The following DLGAP2 variants were observed in gnomAD, a reference collection of about 807,000 sequenced individuals.
DLGAP2 encodes the protein disks large-associated protein 2.
Under a neutral mutation model 100.3 loss-of-function variants are expected in DLGAP2, and 26 were observed. The observed-to-expected ratio is 0.26, with a 90% CI of 0.19 to 0.36. The LOEUF (loss-of-function observed/expected upper bound fraction) is 0.36, where lower values mean the gene tolerates loss of function less well. Among genes scored for constraint, DLGAP2 ranks in the 10% least tolerant of loss-of-function variants. The probability of loss-of-function intolerance (pLI) is 1.00; values close to 1 mark genes in which losing one functional copy is unlikely to be tolerated. For missense variants in DLGAP2, 1,858 were observed against 1,453.2 expected, an observed-to-expected ratio of 1.28 and a Z score of -4.53; for synonymous variants, 886 against 630.1, an observed-to-expected ratio of 1.41 and a Z score of -6.08.
intron 3 of DLGAP2, among the ~76,000 whole-genome samples, chr8:1,335,979 C>T (rs537298316): frequency 1.3e-5 from 2 of 152,134 alleles, no homozygotes; most frequent in Non-Finnish European, 2.9e-5. Flanking sequence ...GGGCTTTGTG[C>T]TTTTTCCGGT....
chr8:1,026,019 C>T (rs1801788276), intron 2 of DLGAP2, among the ~76,000 whole-genome samples: 1 of 152,238 alleles, frequency 6.6e-6, no homozygotes, highest in South Asian at 2.1e-4. Context: ...GGATTCCCGG[C>T]AGAAGGCTCC....
chr8:1,211,245 A>T (rs1448578244), intron 2 of DLGAP2, among the ~76,000 whole-genome samples: 1 of 152,150 alleles, frequency 6.6e-6, no homozygotes, highest in Non-Finnish European at 1.5e-5. Context: ...AGTAAAATCC[A>T]CCTTCCTTGA....
intron 3 of DLGAP2, among the ~76,000 whole-genome samples, chr8:1,330,407 G>A (rs749575226): frequency 3.3e-5 from 5 of 149,856 alleles, no homozygotes; most frequent in Non-Finnish European, 7.4e-5. Context: ...ACTAGTTCTG[G>A]GTGGGAGCAC....
chr8:1,560,214 A>G (rs1563221178), intron 5 of DLGAP2, among the ~76,000 whole-genome samples: 1 of 152,256 alleles, frequency 6.6e-6, no homozygotes, highest in East Asian at 1.9e-4. Flanking sequence ...GCTTCTGCAC[A>G]TAACACAGTT....
At chr8:1,040,545 T>A (rs1189819134) in intron 2 of DLGAP2, among the ~76,000 whole-genome samples, 2 of 146,738 alleles carry the variant, frequency 1.4e-5, no homozygotes, top group Non-Finnish European at 3.0e-5. Flanking sequence ...TCGGTGTGCG[T>A]GGTCGGCTCG....
intron 2 of DLGAP2, among the ~76,000 whole-genome samples, chr8:1,175,208 G>A (rs182279000): frequency 2.8e-4 from 43 of 151,904 alleles, no homozygotes; most frequent in South Asian, 1.0e-3. Flanking sequence ...CTAGTAACCC[G>A]CAGTGAGCAC....
At chr8:1,467,969 C>T (rs1281154414) in intron 3 of DLGAP2, among the ~76,000 whole-genome samples, 1 of 152,216 alleles carries the variant, frequency 6.6e-6, no homozygotes, top group South Asian at 2.1e-4. Context: ...AAAAGTGTTA[C>T]CCAGCTGGAA....
intron 2 of DLGAP2, among the ~76,000 whole-genome samples, chr8:1,227,596 C>T (rs1293660712): frequency 6.6e-6 from 1 of 151,868 alleles, no homozygotes; most frequent in Non-Finnish European, 1.5e-5. Context: ...CAGGTTCAAG[C>T]AATTCTCAAG....
intron 1 of DLGAP2, among the ~76,000 whole-genome samples, chr8:791,484 C>T (rs1822024907): frequency 6.6e-6 from 1 of 152,206 alleles, no homozygotes; most frequent in African/African-American, 2.4e-5. Flanking sequence ...CTATCCTCCC[C>T]ACTTGTAACT....
At chr8:999,157 G>A (rs2129017625) in intron 2 of DLGAP2, among the ~76,000 whole-genome samples, 1 of 152,042 alleles carries the variant, frequency 6.6e-6, no homozygotes, top group South Asian at 2.1e-4. Context: ...AAAGTTGAGA[G>A]TACAGTTAGT....
chr8:1,663,361 G>A (rs1005388205), intron 8 of DLGAP2, among the ~76,000 whole-genome samples: 1 of 152,128 alleles, frequency 6.6e-6, no homozygotes, highest in Non-Finnish European at 1.5e-5. Flanking sequence ...GAGTCGGCCA[G>A]TGCTGTTTGG....
intron 8 of DLGAP2, among the ~76,000 whole-genome samples, chr8:1,662,182 G>T (rs191421352): frequency 6.6e-6 from 1 of 152,178 alleles, no homozygotes; most frequent in Non-Finnish European, 1.5e-5. Context: ...ACAAATATTC[G>T]AAGGCCTCTT....
chr8:1,412,215 A>T, intron 3 of DLGAP2, among the ~76,000 whole-genome samples: 1 of 152,016 alleles, frequency 6.6e-6, no homozygotes, highest in East Asian at 1.9e-4. Context: ...TGGGACTTTT[A>T]TGCTGAAGGC....
intron 3 of DLGAP2, among the ~76,000 whole-genome samples, chr8:1,500,965 G>A (rs1308621302): frequency 6.6e-6 from 1 of 152,202 alleles, no homozygotes; most frequent in East Asian, 1.9e-4. Context: ...TTTCTCATGG[G>A]CGATGCAGGG....
At chr8:1,556,600 C>G (rs1261747931) in intron 5 of DLGAP2, among the ~76,000 whole-genome samples, 12 of 152,166 alleles carry the variant, frequency 7.9e-5, no homozygotes, top group Admixed American at 6.5e-4. Flanking sequence ...CTGACCCAAC[C>G]CAAAGTACAG....
intron 2 of DLGAP2, among the ~76,000 whole-genome samples, chr8:1,246,436 A>T (rs58415885): frequency 6.6e-6 from 1 of 152,042 alleles, no homozygotes; most frequent in Non-Finnish European, 1.5e-5. Flanking sequence ...TGCTGAGAGC[A>T]CAGGGACCTT....
At chr8:1,168,137 T>G (rs567317061) in intron 2 of DLGAP2, among the ~76,000 whole-genome samples, 196 of 148,364 alleles carry the variant, frequency 1.3e-3, no homozygotes, top group African/African-American at 4.6e-3. Context: ...CGGTGTTTGG[T>G]TTTTTGTTCT....
intron 2 of DLGAP2, among the ~76,000 whole-genome samples, chr8:1,055,096 T>C (rs1472957877): frequency 1.3e-5 from 2 of 152,206 alleles, no homozygotes; most frequent in Non-Finnish European, 2.9e-5. Flanking sequence ...TCTTAAAAAT[T>C]TTACCAAGAG....
intron 1 of DLGAP2, among the ~76,000 whole-genome samples, chr8:748,766 A>G (rs571048547): frequency 5.9e-5 from 9 of 152,266 alleles, no homozygotes; most frequent in African/African-American, 4.8e-5. Flanking sequence ...GTGGACTGGG[A>G]TGCTCTCGGA....
Sources: allele counts gnomAD v4.1 joint callset (sites outside exome capture counted in the v4.1 genomes callset), GRCh38; gene constraint gnomAD v4.1.1; transcripts MANE v1.5; gene names NCBI Gene and HGNC (gene_info 2026-07-23, HGNC 2026-07-21).